HPSE2: variants seen among roughly 807,000 people sequenced by gnomAD.
The protein encoded by HPSE2 is inactive heparanase-2.
A neutral mutation model predicts 60.5 loss-of-function variants in HPSE2; 38 were observed. That is an observed-to-expected ratio of 0.63 (90% CI 0.48 to 0.82). The LOEUF (loss-of-function observed/expected upper bound fraction) is 0.82, where lower values mean the gene tolerates loss of function less well. HPSE2 is among the 40% of genes least tolerant of loss of function. The pLI, the probability that HPSE2 is intolerant of heterozygous loss-of-function variation, is 0.00. For synonymous variants in HPSE2, 295 were observed against 293.2 expected, an observed-to-expected ratio of 1.01 and a Z score of -0.06; for missense variants, 713 against 740.4, an observed-to-expected ratio of 0.96 and a Z score of 0.43.
In HPSE2 at chr10:99,191,172, C is replaced by T. The variant is rs190381637; in HGVS notation, c.448+41176G>A. Among the ~76,000 whole-genome samples the T allele has an allele frequency of 5.9e-5, 9 of 152,130 alleles. No individual in the cohort carries two copies. In the East Asian group the frequency reaches 1.7e-3, roughly 30 times the overall value. On this transcript the variant is annotated intron_variant, in intron 2 of 11. Coordinates refer to ENST00000370552, the MANE Select transcript of HPSE2 (RefSeq NM_021828.5). ...CCAGGCCCTGGCTCCCAGACAACAC[C>T]TCTGGACCTACCTGGGGCTGGGGGG...
intron 9 of HPSE2, among the ~76,000 whole-genome samples, chr10:98,535,050 T>G (rs1379882982): frequency 6.6e-6 from 1 of 152,214 alleles, no homozygotes; most frequent in East Asian, 1.9e-4. Context: ...GTGAAATGAT[T>G]CAACTTTGTG....
chr10:98,565,819 G>A (rs1300967732), intron 9 of HPSE2, among the ~76,000 whole-genome samples: 1 of 150,466 alleles, frequency 6.6e-6, no homozygotes, highest in Non-Finnish European at 1.5e-5. Flanking sequence ...TTAAAGTATT[G>A]TTTTATTAAA....
chr10:99,264,883 T>C, the HPSE2 span, among the ~76,000 whole-genome samples: 1 of 151,880 alleles, frequency 6.6e-6, no homozygotes, highest in Non-Finnish European at 1.5e-5. Context: ...CTAATCCCAC[T>C]AGAAGCAACC....
At chr10:99,313,592 A>AT in the HPSE2 span, among the ~76,000 whole-genome samples, 886 of 84,562 alleles carry the variant, frequency 0.01, 202 homozygotes, top group East Asian at 0.12. Context: ...ACTGACTCCA[A>AT]TTTTTTTTTT....
chr10:99,236,136 T>C (rs759878391), upstream of HPSE2, among the ~76,000 whole-genome samples: 5 of 151,676 alleles, frequency 3.3e-5, no homozygotes, highest in Non-Finnish European at 5.9e-5. Context: ...TTAAGAGATT[T>C]CTACTGCAGA....
At chr10:98,880,332 C>A (rs925417840) in intron 3 of HPSE2, among the ~76,000 whole-genome samples, 2 of 152,014 alleles carry the variant, frequency 1.3e-5, no homozygotes, top group Admixed American at 6.6e-5. Context: ...AAGTATCCTG[C>A]AACTCTTTTT....
At chr10:98,715,191 A>G (rs1948761795) in intron 5 of HPSE2, among the ~76,000 whole-genome samples, 1 of 151,964 alleles carries the variant, frequency 6.6e-6, no homozygotes. Flanking sequence ...TAGTTTTGGT[A>G]AAGTCCAATT....
chr10:99,207,485 C>G (rs1848789949), intron 2 of HPSE2, among the ~76,000 whole-genome samples: 1 of 152,058 alleles, frequency 6.6e-6, no homozygotes, highest in Non-Finnish European at 1.5e-5. Context: ...GAGTCGAATT[C>G]AGAAAAATAC....
chr10:99,030,109 C>T (rs925878378), intron 3 of HPSE2, among the ~76,000 whole-genome samples: 2 of 152,164 alleles, frequency 1.3e-5, no homozygotes, highest in African/African-American at 4.8e-5. Context: ...CTGGTTTTTC[C>T]TAGGTTATGA....
At chr10:98,893,333 T>C (rs925761499) in intron 3 of HPSE2, among the ~76,000 whole-genome samples, 2 of 152,114 alleles carry the variant, frequency 1.3e-5, no homozygotes, top group African/African-American at 2.4e-5. Flanking sequence ...TCCCAAAGTG[T>C]TGGGATTACA....
chr10:99,000,733 G>T (rs1387356554), intron 3 of HPSE2, among the ~76,000 whole-genome samples: 3 of 152,102 alleles, frequency 2.0e-5, no homozygotes, highest in African/African-American at 7.2e-5. Context: ...TATTTGAAAA[G>T]ATTGGCAGTA....
At chr10:99,032,993 T>G (rs181191668) in intron 3 of HPSE2, among the ~76,000 whole-genome samples, 126 of 152,320 alleles carry the variant, frequency 8.3e-4, no homozygotes, top group South Asian at 1.2e-3. Context: ...TAATTTCATC[T>G]ACAACTTAAA....
chr10:98,541,199 T>G (rs546645226), intron 9 of HPSE2, among the ~76,000 whole-genome samples: 1 of 152,368 alleles, frequency 6.6e-6, no homozygotes, highest in Admixed American at 6.5e-5. Context: ...TGTTTCATTG[T>G]TAAAATTAAA....
chr10:98,727,202 T>C (rs72840596), intron 4 of HPSE2, among the ~76,000 whole-genome samples: 2,297 of 152,292 alleles, frequency 0.015, 32 homozygotes, highest in African/African-American at 0.03. Flanking sequence ...TGGTCCAGTA[T>C]ATTATCTAAA....
chr10:99,198,676 T>A (rs1848480180), intron 2 of HPSE2, among the ~76,000 whole-genome samples: 1 of 152,184 alleles, frequency 6.6e-6, no homozygotes, highest in African/African-American at 2.4e-5. Context: ...AAGGCTATGA[T>A]GGAAATTTTT....
chr10:99,232,429 G>A lies in HPSE2; in HGVS notation c.367C>T (p.Leu123=), dbSNP rs1413826260. 9.6e-6 allele frequency: 15 copies of A among 1,555,088 alleles called. No individual in the cohort carries two copies. Among genetic ancestry groups the A allele is most frequent in the Non-Finnish European group, 1.3e-5 (15 of 1,148,888 alleles). The change falls in exon 2 of 12, where the codon CTG becomes TTG. Residue 123 remains leucine (L), a synonymous_variant. Coordinates refer to ENST00000370552, the MANE Select transcript of HPSE2 (RefSeq NM_021828.5). ...LRFGGKRTDF[L]QFQNLRNPAK... Reference sequence around the variant, plus strand: ...GGGTTCCTCAGGTTCTGGAACTGCAGGAAGTCGGTCCTTTTGCCCCCGAAG... The same window carrying A: ...GGGTTCCTCAGGTTCTGGAACTGCAAGAAGTCGGTCCTTTTGCCCCCGAAG...
chr10:99,247,478 C>T, the HPSE2 span, among the ~76,000 whole-genome samples: 11 of 152,294 alleles, frequency 7.2e-5, 1 homozygote, highest in South Asian at 2.3e-3. Flanking sequence ...ATAAAGCAAC[C>T]ACACAATAGA....
At chr10:99,214,063 C>G (rs1208846898) in intron 2 of HPSE2, among the ~76,000 whole-genome samples, 1 of 152,062 alleles carries the variant, frequency 6.6e-6, no homozygotes, top group African/African-American at 2.4e-5. Flanking sequence ...AGAGACATTT[C>G]TCAAAAGAAG....
intron 3 of HPSE2, among the ~76,000 whole-genome samples, chr10:99,114,838 C>A (rs376986512): frequency 1.1e-4 from 16 of 145,664 alleles, no homozygotes; most frequent in Non-Finnish European, 1.9e-4. Flanking sequence ...GGCGTGAACC[C>A]GGGAGGCAGA....
Sources: allele counts gnomAD v4.1 joint callset (sites outside exome capture counted in the v4.1 genomes callset), GRCh38; gene constraint gnomAD v4.1.1; transcripts MANE v1.5; gene names NCBI Gene and HGNC (gene_info 2026-07-23, HGNC 2026-07-21).